Variants in TIMP2 observed in about 807,000 individuals in gnomAD.
The protein encoded by TIMP2 is metalloproteinase inhibitor 2.
A neutral mutation model predicts 24.3 loss-of-function variants in TIMP2; 5 were observed. That is an observed-to-expected ratio of 0.21 (90% CI 0.11 to 0.43). The LOEUF is 0.43. Ranked by LOEUF, TIMP2 falls within the 20% of genes least tolerant of loss-of-function variation. The pLI is 1.00. For synonymous variants in TIMP2, 130 were observed against 123.2 expected (o/e 1.06, Z -0.37); for missense variants, 221 against 297.5 (o/e 0.74, Z 1.89).
In TIMP2 at chr17:78,879,938, A is replaced by G. The variant is rs1178314853; in HGVS notation, c.131-6019T>C. Among the ~76,000 whole-genome samples the G allele has an allele frequency of 4.0e-5, 6 of 151,554 alleles. No homozygotes were observed. In the East Asian group the frequency reaches 1.2e-3, roughly 30 times the overall value. ...GGACGGAAAAGAACCGGGTGGGCGGAAAACCAAGGTCGCGGGAGACGATCC... is the reference window on the plus strand; with the variant it reads ...GGACGGAAAAGAACCGGGTGGGCGGGAAACCAAGGTCGCGGGAGACGATCC... On this transcript the variant is annotated intron_variant, in intron 1 of 4. Transcript: ENST00000262768.
rs373391218 is a variant in TIMP2 at position 78,889,513 on chromosome 17, T to C, written c.131-15594A>G. Among the ~76,000 whole-genome samples the C allele has an allele frequency of 2.6e-5, 4 of 152,270 alleles. No individual in the cohort carries two copies. The East Asian group carries it at 7.7e-4, about 29-fold the overall frequency. ...AAAGACTAAGAGGTTTTAGCTTTGG[T>C]TCAATCTCCGTTAATGTCTCAGCCT... is the stretch of plus-strand genomic sequence containing the variant. On this transcript the variant is annotated intron_variant, in intron 1 of 4. Transcript: ENST00000262768.
At chr17:78,876,051 C>T (rs1432897055) in intron 1 of TIMP2, among the ~76,000 whole-genome samples, 1 of 152,234 alleles carries the variant, frequency 6.6e-6, no homozygotes, top group Non-Finnish European at 1.5e-5. Context: ...CGGCAGGCCA[C>T]TCCAGAACAG....
rs2069996139 is a variant in TIMP2, at chr17:78,896,150, C to T, written c.131-22231G>A. Among the ~76,000 whole-genome samples the T allele has an allele frequency of 6.6e-6, 1 of 152,242 alleles. No individual in the cohort carries two copies. Among genetic ancestry groups the T allele is most frequent in the South Asian group, 2.1e-4 (1 of 4,834 alleles). ...GACACCATCAGATGCAACCTCGTCC[C>T]CGCTACCCCAGCTCTCCTTGCTCTC... is the stretch of plus-strand genomic sequence containing the variant. On this transcript the variant is annotated intron_variant, in intron 1 of 4. Coordinates refer to ENST00000262768, the MANE Select transcript of TIMP2 (RefSeq NM_003255.5). The surrounding 1 kb of genome is among the most constrained non-coding windows in gnomAD (Gnocchi z 4.4).
intron 1 of TIMP2, among the ~76,000 whole-genome samples, chr17:78,881,007 G>A (rs1198257465): frequency 6.6e-6 from 1 of 152,232 alleles, no homozygotes; most frequent in African/African-American, 2.4e-5. Context: ...GGCAGCGGGA[G>A]AAGGTGGCCC....
intron 3 of TIMP2, among the ~76,000 whole-genome samples, chr17:78,860,237 C>G (rs898919526): frequency 1.3e-5 from 2 of 152,100 alleles, no homozygotes; most frequent in Non-Finnish European, 2.9e-5. Context: ...ACAACAGCCC[C>G]TTGTGAAGAG....
intron 1 of TIMP2, chr17:78,892,612 T>G: frequency 8.5e-7 from 1 of 1,172,614 alleles, no homozygotes; most frequent in Non-Finnish European, 1.2e-6. Flanking sequence ...CAGGGCCCAC[T>G]CTCAGCCTCC....
At chr17:78,911,419 GTTGTTTTTGT>G (rs2070205900) in intron 1 of TIMP2, among the ~76,000 whole-genome samples, 1 of 150,598 alleles carries the variant, frequency 6.6e-6, no homozygotes, top group Non-Finnish European at 1.5e-5. Context: ...CAGTGCTTTT[GTTGTTTTTGT>G]TTTTTGTTTT....
chr17:78,906,198 T>C (rs1209478960), intron 1 of TIMP2, among the ~76,000 whole-genome samples: 2 of 152,092 alleles, frequency 1.3e-5, no homozygotes, highest in Non-Finnish European at 2.9e-5. Flanking sequence ...AGTGAGATCC[T>C]ACCTCTATAA....
At chr17:78,893,718 A>C (rs537389430) in intron 1 of TIMP2, among the ~76,000 whole-genome samples, 17 of 152,118 alleles carry the variant, frequency 1.1e-4, no homozygotes, top group African/African-American at 3.9e-4. Context: ...ACCAGAGAGG[A>C]GGAGAAGCTG....
At chr17:78,902,843 CT>C (rs2070116677) in intron 1 of TIMP2, 2 of 152,400 alleles carry the variant, frequency 1.3e-5, no homozygotes. Context: ...TTCCTGCTTC[CT>C]GAAGACCCCC....
intron 1 of TIMP2, among the ~76,000 whole-genome samples, chr17:78,922,681 T>C (rs1441956148): frequency 6.6e-6 from 1 of 151,924 alleles, no homozygotes; most frequent in Non-Finnish European, 1.5e-5. Flanking sequence ...TAGCCGGGTG[T>C]GGTGGCAGGT....
chr17:78,901,338 C>A, intron 1 of TIMP2: 1 of 167,124 alleles, frequency 6.0e-6, no homozygotes, highest in South Asian at 1.5e-4. Flanking sequence ...AGGAATAAAC[C>A]TGTCCAGAAC....
chr17:78,891,843 C>T lies in TIMP2; in HGVS notation c.131-17924G>A, dbSNP rs748045323. 1 of 1,550,742 alleles carries T rather than the reference C, an allele frequency of 6.4e-7. No homozygotes were observed. Among genetic ancestry groups the T allele is most frequent in the South Asian group, 1.2e-5 (1 of 84,066 alleles). On this transcript the variant is annotated intron_variant, in intron 1 of 4. Coordinates refer to ENST00000262768, the MANE Select transcript of TIMP2 (RefSeq NM_003255.5). This position sits in a 1 kb window ranked among gnomAD's most constrained non-coding sequence, Gnocchi z 4.5. ...GGTTCTGGCCTTCCCTTTCTCTTCT[C>T]AGGCGGGGCCAGGTGAGAATTCATC...
At chr17:78,884,786 G>A (rs1034625005) in intron 1 of TIMP2, among the ~76,000 whole-genome samples, 3 of 152,192 alleles carry the variant, frequency 2.0e-5, no homozygotes, top group Admixed American at 6.5e-5. Context: ...CCATTTGCAC[G>A]AACTGGAAGA....
intron 3 of TIMP2, among the ~76,000 whole-genome samples, chr17:78,869,636 C>A (rs1332719046): frequency 1.3e-5 from 2 of 151,906 alleles, no homozygotes; most frequent in Non-Finnish European, 2.9e-5. Context: ...CGTGGTGAAA[C>A]CCTGTCTGTA....
chr17:78,894,196 C>CA (rs1199806793), intron 1 of TIMP2, among the ~76,000 whole-genome samples: 1 of 151,856 alleles, frequency 6.6e-6, no homozygotes, highest in South Asian at 2.1e-4. Context: ...AGCTCCTACC[C>CA]CCCCCGGTTC....
intron 1 of TIMP2, among the ~76,000 whole-genome samples, chr17:78,911,846 GAC>G (rs960505999): frequency 7.0e-6 from 1 of 142,088 alleles, no homozygotes; most frequent in African/African-American, 2.7e-5. Context: ...AGGAGTTCAA[GAC>G]CAGCCAGGCC....
At chr17:78,919,919 G>A (rs557547146) in intron 1 of TIMP2, among the ~76,000 whole-genome samples, 40 of 152,120 alleles carry the variant, frequency 2.6e-4, no homozygotes, top group Non-Finnish European at 5.1e-4. Context: ...TGCGTGCACC[G>A]GGGGACAGAG....
intron 1 of TIMP2, among the ~76,000 whole-genome samples, chr17:78,879,301 G>A (rs1314408971): frequency 6.6e-6 from 1 of 152,198 alleles, no homozygotes; most frequent in African/African-American, 2.4e-5. Context: ...GCAATGGTCC[G>A]CACTCTGAGC....
Sources: allele counts gnomAD v4.1 joint callset (sites outside exome capture counted in the v4.1 genomes callset), GRCh38; gene constraint gnomAD v4.1.1; non-coding constraint Gnocchi (gnomAD v3.1); transcripts MANE v1.5; gene names NCBI Gene and HGNC (gene_info 2026-07-23, HGNC 2026-07-21).